ABTB2: variants seen among roughly 807,000 people sequenced by gnomAD.
ABTB2 encodes the protein ankyrin repeat and BTB domain containing 2.
ABTB2 carries 56 observed loss-of-function variants against 104.1 expected under a neutral mutation model. The observed-to-expected ratio is 0.54, with a 90% CI of 0.43 to 0.67. ABTB2 has a LOEUF of 0.67. ABTB2 is among the 30% of genes least tolerant of loss of function. The pLI is 0.00. For synonymous variants in ABTB2, 606 were observed against 608.2 expected (o/e 1.00, Z 0.05); for missense variants, 1,279 against 1,407.7 (o/e 0.91, Z 1.46).
chr11:34,321,413 A>G (rs1465818163), intron 1 of ABTB2, among the ~76,000 whole-genome samples: 3 of 152,256 alleles, frequency 2.0e-5, no homozygotes, highest in Admixed American at 2.0e-4. Context: ...GAATAAGGAT[A>G]GACTTTAAAG....
chr11:34,241,645 G>A (rs1380284881), intron 1 of ABTB2, among the ~76,000 whole-genome samples: 6 of 152,154 alleles, frequency 3.9e-5, no homozygotes, highest in Non-Finnish European at 7.4e-5. Flanking sequence ...TAATCACAGC[G>A]CTTTGGGAAG....
intron 1 of ABTB2, among the ~76,000 whole-genome samples, chr11:34,211,596 T>C (rs1302110083): frequency 6.6e-6 from 1 of 151,846 alleles, no homozygotes; most frequent in South Asian, 2.1e-4. Context: ...GTAAAGTGAT[T>C]CATCAGGAAT....
chr11:34,189,079 C>T (rs552884502), intron 3 of ABTB2: 1 of 152,284 alleles, frequency 6.6e-6, no homozygotes, highest in South Asian at 2.1e-4. Flanking sequence ...TCAGAGGATG[C>T]ACTTCTTTTT....
chr11:34,299,565 A>G (rs560589983), intron 1 of ABTB2, among the ~76,000 whole-genome samples: 1 of 152,342 alleles, frequency 6.6e-6, no homozygotes, highest in African/African-American at 2.4e-5. Flanking sequence ...CTGCTCCATT[A>G]GGAGCCTGCC....
intron 1 of ABTB2, among the ~76,000 whole-genome samples, chr11:34,326,228 A>G (rs1053262826): frequency 6.6e-6 from 1 of 152,172 alleles, no homozygotes; most frequent in African/African-American, 2.4e-5. Flanking sequence ...TAAGTTGACA[A>G]TGGAAAATTA....
chr11:34,186,552 C>T (rs768466588), intron 3 of ABTB2, among the ~76,000 whole-genome samples: 3 of 152,312 alleles, frequency 2.0e-5, no homozygotes, highest in South Asian at 2.1e-4. Flanking sequence ...TGTTGCTGCC[C>T]GTGTTACAAA....
In ABTB2 at chr11:34,304,972, G is replaced by C. The variant is rs1854753623; in HGVS notation, c.883+51729C>G. Among the ~76,000 whole-genome samples the C allele has an allele frequency of 2.0e-5, 3 of 152,298 alleles. No homozygotes were observed. In the South Asian group the frequency reaches 6.2e-4, roughly 32 times the overall value. On this transcript the variant is annotated intron_variant, in intron 1 of 16. Coordinates refer to ENST00000435224, the MANE Select transcript of ABTB2 (RefSeq NM_145804.3). ...GTGTAATTCATGGACCACTCAAAGT[G>C]TTTTCAGGAGTTATTTTGGCCACAT...
intron 1 of ABTB2, among the ~76,000 whole-genome samples, chr11:34,296,471 G>A (rs1044123450): frequency 6.6e-6 from 1 of 152,182 alleles, no homozygotes; most frequent in Admixed American, 6.5e-5. Context: ...TGCAGTTACT[G>A]GTCATAAGGC....
At chr11:34,157,467 C>T (rs1852645544) in intron 14 of ABTB2, among the ~76,000 whole-genome samples, 1 of 152,178 alleles carries the variant, frequency 6.6e-6, no homozygotes, top group Non-Finnish European at 1.5e-5. Flanking sequence ...CGCACAGGTC[C>T]CCTTACAGGC....
At chr11:34,232,805 T>A (rs1490311530) in intron 1 of ABTB2, among the ~76,000 whole-genome samples, 3 of 151,614 alleles carry the variant, frequency 2.0e-5, no homozygotes, top group Non-Finnish European at 4.4e-5. Context: ...TAAAAAAAAA[T>A]ACATAATAAT....
chr11:34,339,900 A>G (rs1241159227), intron 1 of ABTB2, among the ~76,000 whole-genome samples: 1 of 152,078 alleles, frequency 6.6e-6, no homozygotes, highest in African/African-American at 2.4e-5. Context: ...ACACTGTTTG[A>G]CTGGGTGGTG....
At chr11:34,257,875 A>G (rs1437917553) in intron 1 of ABTB2, among the ~76,000 whole-genome samples, 3 of 152,204 alleles carry the variant, frequency 2.0e-5, no homozygotes, top group Non-Finnish European at 4.4e-5. Flanking sequence ...TAGGGATTAC[A>G]GGCGTGAGCC....
rs900210286 is a variant in ABTB2, at chr11:34,356,347, G to A, written c.883+354C>T. Among the ~76,000 whole-genome samples, 1 of 152,160 alleles carries A rather than the reference G, an allele frequency of 6.6e-6. No homozygotes were observed. Among genetic ancestry groups the A allele is most frequent in the African/African-American group, 2.4e-5 (1 of 41,410 alleles). On this transcript the variant is annotated intron_variant, in intron 1 of 16. Coordinates refer to ENST00000435224, the MANE Select transcript of ABTB2 (RefSeq NM_145804.3). This position sits in a 1 kb window ranked among gnomAD's most constrained non-coding sequence, Gnocchi z 4.6. ...CTGTTGGGGAAAGACAGCAGCTAGA[G>A]ACCTAGTCAATCACGGTAAAGAGCC... is the stretch of plus-strand genomic sequence containing the variant.
At chr11:34,227,168 G>C (rs1853698080) in intron 1 of ABTB2, among the ~76,000 whole-genome samples, 1 of 151,904 alleles carries the variant, frequency 6.6e-6, no homozygotes, top group Non-Finnish European at 1.5e-5. Flanking sequence ...CAGCTACTCA[G>C]GAGATTGAGG....
intron 1 of ABTB2, among the ~76,000 whole-genome samples, chr11:34,352,275 T>C (rs550327795): frequency 1.4e-4 from 22 of 152,350 alleles, no homozygotes; most frequent in African/African-American, 5.3e-4. Flanking sequence ...AAGTCCTCAG[T>C]CACTATTTTT....
intron 1 of ABTB2, among the ~76,000 whole-genome samples, chr11:34,245,028 A>G (rs1853969040): frequency 6.6e-6 from 1 of 152,228 alleles, no homozygotes; most frequent in Non-Finnish European, 1.5e-5. Context: ...CAAAAAAAGA[A>G]AAAGATTGTT....
At chr11:34,306,236 A>ATTTTTTTTTTTTTTTTTTTTTTTTT (rs34872949) in intron 1 of ABTB2, among the ~76,000 whole-genome samples, 1 of 71,960 alleles carries the variant, frequency 1.4e-5, no homozygotes, top group African/African-American at 4.9e-5. Context: ...GGAAAGTTTG[A>ATTTTTTTTTTTTTTTTTTTTTTTTT]TTTTTTTTTT....
intron 1 of ABTB2, among the ~76,000 whole-genome samples, chr11:34,329,538 T>G (rs878906500): frequency 4.6e-5 from 7 of 152,236 alleles, no homozygotes; most frequent in Admixed American, 4.6e-4. Context: ...GGTTCAATGA[T>G]GGGGCACATG....
chr11:34,229,014 G>A (rs1195177517), intron 1 of ABTB2, among the ~76,000 whole-genome samples: 1 of 151,606 alleles, frequency 6.6e-6, no homozygotes, highest in East Asian at 1.9e-4. Flanking sequence ...AGCTACTCGG[G>A]AGGCTGAGGC....
Sources: allele counts gnomAD v4.1 joint callset (sites outside exome capture counted in the v4.1 genomes callset), GRCh38; gene constraint gnomAD v4.1.1; non-coding constraint Gnocchi (gnomAD v3.1); transcripts MANE v1.5; gene names NCBI Gene and HGNC (gene_info 2026-07-23, HGNC 2026-07-21).